The following ART1 variants were observed in gnomAD, a reference collection of about 807,000 sequenced individuals.
ART1 encodes the protein GPI-linked NAD(P)(+)--arginine ADP-ribosyltransferase 1.
Under a neutral mutation model 27.0 loss-of-function variants are expected in ART1, and 29 were observed. The ratio of observed to expected loss-of-function variants is 1.08; its 90% CI spans 0.80 to 1.47. The LOEUF (loss-of-function observed/expected upper bound fraction) is 1.47. Among genes scored for constraint, ART1 ranks in the 40% most tolerant of loss-of-function variants. The pLI, the probability that ART1 is intolerant of heterozygous loss-of-function variation, is 0.00. For synonymous variants in ART1, 201 were observed against 172.2 expected (o/e 1.17, Z -1.31); for missense variants, 480 against 423.0 (o/e 1.13, Z -1.18).
chr11:3,656,607 C>G (rs2077577842), intron 1 of ART1, among the ~76,000 whole-genome samples: 1 of 152,098 alleles, frequency 6.6e-6, no homozygotes, highest in African/African-American at 2.4e-5. Flanking sequence ...GTCTTGAACT[C>G]CTGACTTCAG....
At position 3,645,179 on chromosome 11, in the gene ART1, G is replaced by A. The variant is rs1449907253; in HGVS notation, c.-53G>A. 6.6e-6 allele frequency: 1 copy of A among 152,108 alleles called. No homozygotes were observed. The highest frequency in any genetic ancestry group is 1.5e-5 in the Non-Finnish European group (1 of 68,044). The allele number at this position is 152,108 out of a possible 1,614,324, so 9.4% of individuals were successfully genotyped here. A position where few individuals can be genotyped will look rare whatever the true frequency, so the allele number is the denominator to read the frequency against. On this transcript the variant is annotated splice_region_variant and 5_prime_UTR_variant, in exon 1 of 5. It removes the in-frame stop codon of an upstream open reading frame in the 5' UTR. Transcript: ENST00000250693. ...GCTTCCCCACCCAGGACAAGGCCTA[G>A]GTAAGGAGTGCACCACTCTCCTCCT...
At chr11:3,656,809 C>T (rs1189346907) in intron 1 of ART1, among the ~76,000 whole-genome samples, 1 of 152,000 alleles carries the variant, frequency 6.6e-6, no homozygotes. Context: ...ATAATTTTAT[C>T]CTTAATGCCT....
chr11:3,663,840 G>A (rs2077640619), intron 4 of ART1: 1 of 419,580 alleles, frequency 2.4e-6, no homozygotes, highest in Admixed American at 4.1e-5. Context: ...TTTAGCAGTG[G>A]GGGGACTGTA....
intron 1 of ART1, among the ~76,000 whole-genome samples, chr11:3,658,348 A>AG (rs1554963968): frequency 5.3e-5 from 8 of 151,096 alleles, no homozygotes; most frequent in Admixed American, 2.6e-4. Context: ...AAAAAAAAAA[A>AG]AGAGAGAGAA....
chr11:3,659,767 G>A lies in ART1; in HGVS notation c.248G>A (p.Ser83Asn), dbSNP rs202095896. 424 of 1,613,320 alleles carry A rather than the reference G, an allele frequency of 2.6e-4. No individual in the cohort carries two copies. The highest frequency in any genetic ancestry group is 3.4e-4 in the Non-Finnish European group (407 of 1,179,850). The change falls in exon 3 of 5, where the codon AGC becomes AAC. Residue 83 changes from serine (S) to asparagine (N), a missense_variant. Physicochemically the swap from Ser to Asn is conservative, Grantham distance 46 (BLOSUM62 1). Transcript: ENST00000250693. ...QVYADSWTLA[S>N]SQWQERQARW... is the part of the protein sequence containing the mutation. ...TATGCAGACAGCTGGACACTGGCAA[G>A]CAGCCAATGGCAGGAGCGTCAGGCC...
chr11:3,658,108 G>A (rs887974411), intron 1 of ART1, among the ~76,000 whole-genome samples: 7 of 152,050 alleles, frequency 4.6e-5, no homozygotes, highest in South Asian at 4.2e-4. Flanking sequence ...TGAGGCGGGC[G>A]GATCACCTGA....
intron 1 of ART1, among the ~76,000 whole-genome samples, chr11:3,650,116 A>C (rs1009823549): frequency 1.3e-5 from 2 of 152,158 alleles, no homozygotes; most frequent in South Asian, 2.1e-4. Flanking sequence ...TGAGACAAAC[A>C]CCAGCCACAT....
intron 1 of ART1, among the ~76,000 whole-genome samples, chr11:3,656,053 T>G (rs939228642): frequency 2.0e-5 from 3 of 150,850 alleles, no homozygotes; most frequent in African/African-American, 7.3e-5. Context: ...CTGCCTCAGC[T>G]TCCCGAGTAG....
intron 1 of ART1, chr11:3,655,509 C>T (rs975651488): frequency 6.6e-6 from 1 of 152,192 alleles, no homozygotes; most frequent in African/African-American, 2.4e-5. Context: ...AACAGGCTCC[C>T]AGGGTGATGG....
intron 1 of ART1, among the ~76,000 whole-genome samples, chr11:3,653,107 T>A (rs954987328): frequency 6.7e-6 from 1 of 148,198 alleles, no homozygotes; most frequent in Admixed American, 6.6e-5. Context: ...CTGCCCCTAA[T>A]CAAAGCAGCC....
At chr11:3,663,219 TG>T (rs1195183136) in intron 4 of ART1, among the ~76,000 whole-genome samples, 1 of 152,094 alleles carries the variant, frequency 6.6e-6, no homozygotes, top group Non-Finnish European at 1.5e-5. Flanking sequence ...CCCCCTTATA[TG>T]GTCAAGTGAG....
chr11:3,646,731 C>G (rs1565037088), intron 1 of ART1, among the ~76,000 whole-genome samples: 2 of 152,166 alleles, frequency 1.3e-5, no homozygotes, highest in African/African-American at 4.8e-5. Flanking sequence ...CAGATGTCTC[C>G]TTGATTGTCC....
intron 1 of ART1, among the ~76,000 whole-genome samples, chr11:3,654,980 T>G (rs2077558674): frequency 6.6e-6 from 1 of 152,240 alleles, no homozygotes; most frequent in Admixed American, 6.5e-5. Context: ...GGGCTTTTGC[T>G]GCATAACTAT....
At chr11:3,658,190 G>A (rs1422925829) in intron 1 of ART1, among the ~76,000 whole-genome samples, 1 of 151,856 alleles carries the variant, frequency 6.6e-6, no homozygotes, top group Non-Finnish European at 1.5e-5. Flanking sequence ...AAAATTAGCT[G>A]GGTGTGGAGG....
At chr11:3,649,111 T>C (rs957341116) in intron 1 of ART1, among the ~76,000 whole-genome samples, 5 of 151,978 alleles carry the variant, frequency 3.3e-5, no homozygotes, top group Admixed American at 1.3e-4. Context: ...CTGAACCCCT[T>C]CCCTCCGTTT....
chr11:3,645,625 T>C lies in ART1; in HGVS notation c.-53+446T>C, dbSNP rs558994640. ...TACACTGTTAGCTGCGCTGAGAAAG[T>C]TCCTCAGACTCTCAGCAAACATGCT... On this transcript the variant is annotated intron_variant, in intron 1 of 4. Coordinates refer to ENST00000250693, the MANE Select transcript of ART1 (RefSeq NM_004314.3). Among the ~76,000 whole-genome samples, 8 of 152,242 alleles carry C rather than the reference T, an allele frequency of 5.3e-5. No homozygotes were observed. The East Asian group carries it at 1.5e-3, about 29-fold the overall frequency.
chr11:3,652,311 G>A (rs1417976012), intron 1 of ART1, among the ~76,000 whole-genome samples: 1 of 150,692 alleles, frequency 6.6e-6, no homozygotes, highest in Non-Finnish European at 1.5e-5. Flanking sequence ...CCTCAGTTTA[G>A]CCTTCCCACC....
At chr11:3,653,236 C>T (rs1384609970) in intron 1 of ART1, among the ~76,000 whole-genome samples, 1 of 148,576 alleles carries the variant, frequency 6.7e-6, no homozygotes, top group East Asian at 1.9e-4. Context: ...AATGTCAGGC[C>T]TCTGAGCCGA....
chr11:3,651,885 C>G (rs2077525032), intron 1 of ART1, among the ~76,000 whole-genome samples: 1 of 150,868 alleles, frequency 6.6e-6, no homozygotes, highest in African/African-American at 2.5e-5. Context: ...TTCCTTCTTT[C>G]CTGTTCCTCA....
Sources: allele counts gnomAD v4.1 joint callset (sites outside exome capture counted in the v4.1 genomes callset), GRCh38; gene constraint gnomAD v4.1.1; transcripts MANE v1.5; gene names NCBI Gene and HGNC (gene_info 2026-07-23, HGNC 2026-07-21).